LAMA3: variants seen among roughly 807,000 people sequenced by gnomAD.
LAMA3 encodes laminin subunit alpha 3.
In LAMA3, 281 loss-of-function variants were observed where a neutral mutation model predicts 402.0. The observed-to-expected ratio is 0.70, with a 90% CI of 0.63 to 0.77. LAMA3 has a LOEUF of 0.77. LAMA3 is among the 30% of genes least tolerant of loss of function. The pLI is 0.00. For synonymous variants in LAMA3, 1,431 were observed against 1,558.4 expected (o/e 0.92, Z 1.93); for missense variants, 3,840 against 4,215.5 (o/e 0.91, Z 2.47).
At chr18:23,872,037 T>C (rs1467383955) in intron 38 of LAMA3, among the ~76,000 whole-genome samples, 1 of 152,230 alleles carries the variant, frequency 6.6e-6, no homozygotes, top group African/African-American at 2.4e-5. Context: ...CACTAAACGT[T>C]GTATGTGTCA....
chr18:23,914,926 A>G, intron 58 of LAMA3, 66 bp downstream of exon 58: 3 of 1,261,992 alleles, frequency 2.4e-6, no homozygotes, highest in South Asian at 1.2e-5. Context: ...TGATGACCTC[A>G]TGTCTCTAAT....
At chr18:23,815,050 C>A in intron 15 of LAMA3, 138 bp from the exon 16 acceptor site, 3 of 754,600 alleles carry the variant, frequency 4.0e-6, no homozygotes, top group East Asian at 5.3e-5. Flanking sequence ...TAGGCCTCAG[C>A]GATGCAAACT....
chr18:23,710,164 C>G (rs542531811), intron 1 of LAMA3: 1 of 657,894 alleles, frequency 1.5e-6, no homozygotes, highest in Non-Finnish European at 2.8e-6. Context: ...AGGTGGGTGA[C>G]GTGCAGATCT....
At chr18:23,743,050 G>T (rs2061589649) in intron 2 of LAMA3, among the ~76,000 whole-genome samples, 1 of 152,136 alleles carries the variant, frequency 6.6e-6, no homozygotes, top group Non-Finnish European at 1.5e-5. Flanking sequence ...TCTTTTCTGA[G>T]GATATAGGAG....
intron 60 of LAMA3, among the ~76,000 whole-genome samples, chr18:23,919,204 A>G (rs889503502): frequency 6.6e-6 from 1 of 152,190 alleles, no homozygotes. Context: ...GCTGACTCCC[A>G]AAGGCAAGGT....
chr18:23,798,692 A>G (rs1177328539), intron 12 of LAMA3, among the ~76,000 whole-genome samples: 10 of 152,206 alleles, frequency 6.6e-5, no homozygotes, highest in Non-Finnish European at 1.3e-4. Flanking sequence ...ATTGGTCAGA[A>G]AAGGCTAAGG....
At position 23,824,571 on chromosome 18, in the gene LAMA3, A is replaced by G. The variant is rs369297755; in HGVS notation, c.2571+6A>G. The G allele has an allele frequency of 8.7e-6, 14 of 1,613,786 alleles. No homozygotes were observed. In the African/African-American group the frequency reaches 1.9e-4, roughly 22 times the overall value. On this transcript the variant is annotated splice_donor_region_variant and intron_variant, in intron 21 of 74. Coordinates refer to ENST00000313654, the MANE Select transcript of LAMA3 (RefSeq NM_198129.4). ...AGGCAGAAGGAGTCCTTCTGGTAAG[A>G]CTTAGTTCTGAATGGAGAGCTCCTG...
chr18:23,889,475 T>A (rs1319442502), intron 41 of LAMA3, among the ~76,000 whole-genome samples: 1 of 151,774 alleles, frequency 6.6e-6, no homozygotes, highest in Non-Finnish European at 1.5e-5. Flanking sequence ...GACAGAAGGA[T>A]TGCTTGAGTG....
At position 23,946,462 on chromosome 18, in the gene LAMA3, G is replaced by A. The variant is rs546516730; in HGVS notation, c.9351+178G>A. On this transcript the variant is annotated intron_variant, in intron 70 of 74. Transcript: ENST00000313654. ...GTAAGTGCCCATTTCTTAACCCAAA[G>A]CCTTCATTTCTAAGGTGCAGGTTGA... 7.2e-4 allele frequency: 535 copies of A among 742,930 alleles called. 1 individual carries two copies. The highest frequency in any genetic ancestry group is 2.1e-3 in the South Asian group (123 of 59,014). The allele number at this position is 742,930 out of a possible 1,614,324, so 46.0% of individuals were successfully genotyped here.
chr18:23,693,137 C>T (rs1242488605), intron 1 of LAMA3, among the ~76,000 whole-genome samples: 1 of 152,084 alleles, frequency 6.6e-6, no homozygotes, highest in Non-Finnish European at 1.5e-5. Context: ...TGAGGTTGGA[C>T]GTTCAAGACC....
chr18:23,750,416 A>G (rs2061725069), intron 4 of LAMA3, among the ~76,000 whole-genome samples: 1 of 147,504 alleles, frequency 6.8e-6, no homozygotes, highest in African/African-American at 2.5e-5. Flanking sequence ...TTAAAACAAA[A>G]TGGAGGGTTT....
At chr18:23,936,802 G>A (rs901252397) in intron 67 of LAMA3, among the ~76,000 whole-genome samples, 2 of 152,204 alleles carry the variant, frequency 1.3e-5, no homozygotes, top group African/African-American at 4.8e-5. Context: ...CTACAGGCCC[G>A]AGAGCCTGGT....
intron 34 of LAMA3, among the ~76,000 whole-genome samples, chr18:23,860,628 A>T (rs182202321): frequency 6.6e-6 from 1 of 151,730 alleles, no homozygotes; most frequent in African/African-American, 2.4e-5. Context: ...TCCATGAACC[A>T]GTAACCTCAT....
chr18:23,758,657 G>A (rs2061904635), intron 7 of LAMA3, 146 bp downstream of exon 7: 3 of 626,374 alleles, frequency 4.8e-6, no homozygotes, highest in Non-Finnish European at 8.4e-6. Context: ...AAGAACCTCA[G>A]ACTGCAGGGA....
chr18:23,815,054 G>A (rs886206199), intron 15 of LAMA3, 134 bp from the exon 16 acceptor site: 11 of 778,236 alleles, frequency 1.4e-5, no homozygotes, highest in Non-Finnish European at 2.3e-5. Flanking sequence ...CCTCAGCGAT[G>A]CAAACTCTCA....
intron 38 of LAMA3, among the ~76,000 whole-genome samples, chr18:23,875,204 A>G (rs1480009291): frequency 1.3e-5 from 2 of 152,220 alleles, no homozygotes; most frequent in African/African-American, 4.8e-5. Context: ...TGCTCTGCCA[A>G]AATAAAGGAC....
In LAMA3 at chr18:23,871,477, A is replaced by T; in HGVS notation, c.4814A>T (p.Glu1605Val). Residue 1605 changes from glutamate to valine, a missense_variant, in exon 38 of 75, where the codon GAG becomes GTG. Coordinates refer to ENST00000313654, the MANE Select transcript of LAMA3 (RefSeq NM_198129.4). ...ASSRAPVSRE[E>V]LMTVLSRLAD... The stretch of plus-strand genomic sequence containing the variant: ...AGCCGTGCCCCAGTGTCTAGGGAGG[A>T]GCTGATGACAGTGCTGTCTAGACTG... 1 of 1,613,228 alleles carries T rather than the reference A, an allele frequency of 6.2e-7. No individual in the cohort carries two copies. The highest frequency in any genetic ancestry group is 8.5e-7 in the Non-Finnish European group (1 of 1,179,740).
chr18:23,785,777 C>T (rs989931908), intron 12 of LAMA3, among the ~76,000 whole-genome samples: 1 of 152,162 alleles, frequency 6.6e-6, no homozygotes, highest in Admixed American at 6.5e-5. Flanking sequence ...TTTTCCTCCT[C>T]TCTACCAGCC....
At chr18:23,729,888 C>T (rs1000055444) in intron 2 of LAMA3, among the ~76,000 whole-genome samples, 3 of 152,308 alleles carry the variant, frequency 2.0e-5, no homozygotes, top group East Asian at 1.9e-4. Flanking sequence ...GTGACGCTCC[C>T]GTCCTGTCTG....
Sources: allele counts gnomAD v4.1 joint callset (sites outside exome capture counted in the v4.1 genomes callset), GRCh38; gene constraint gnomAD v4.1.1; transcripts MANE v1.5; gene names NCBI Gene and HGNC (gene_info 2026-07-23, HGNC 2026-07-21).